EMP1: variants seen among roughly 807,000 people sequenced by gnomAD.
EMP1 encodes epithelial membrane protein 1.
EMP1 carries 5 observed loss-of-function variants against 15.7 expected under a neutral mutation model. The ratio of observed to expected loss-of-function variants is 0.32; its 90% confidence interval spans 0.17 to 0.67. The LOEUF (loss-of-function observed/expected upper bound fraction) is 0.67. EMP1 is among the 30% of genes least tolerant of loss of function. The pLI is 0.74. For synonymous variants in EMP1, 78 were observed against 76.7 expected (o/e 1.02, Z -0.09); for missense variants, 166 against 194.2 (o/e 0.85, Z 0.86).
At position 13,214,812 on chromosome 12, in the gene EMP1, G is replaced by C. The variant is rs1448601599; in HGVS notation, c.*121G>C. 1 of 204,708 alleles carries C rather than the reference G, an allele frequency of 4.9e-6. No homozygotes were observed. Among genetic ancestry groups the C allele is most frequent in the Admixed American group, 5.6e-5 (1 of 17,802 alleles). 12.7% of individuals were successfully genotyped at this position (204,708 alleles called of 1,614,324 possible). On this transcript the variant is annotated 3_prime_UTR_variant, in exon 5 of 5. Coordinates refer to ENST00000256951, the MANE Select transcript of EMP1 (RefSeq NM_001423.3). ...AGGGGAGGGGGGAGGGGGAAGCAAA[G>C]GGGGGAGGTCAAATCCCAAACCATT...
intron 1 of EMP1, among the ~76,000 whole-genome samples, chr12:13,206,821 G>A (rs1020253459): frequency 6.6e-6 from 1 of 152,178 alleles, no homozygotes; most frequent in African/African-American, 2.4e-5. Flanking sequence ...GGGGGCCTGA[G>A]TAATTTCTCA....
intron 2 of EMP1, among the ~76,000 whole-genome samples, chr12:13,213,153 T>A (rs1864181902): frequency 6.6e-6 from 1 of 152,248 alleles, no homozygotes; most frequent in Admixed American, 6.5e-5. Context: ...CATCCTGGAC[T>A]TCTGTTTCTC....
intron 1 of EMP1, among the ~76,000 whole-genome samples, chr12:13,204,542 C>T (rs1287380911): frequency 2.0e-5 from 3 of 152,160 alleles, no homozygotes; most frequent in Non-Finnish European, 4.4e-5. Context: ...AAAATGCTCC[C>T]GACTTGCGCA....
chr12:13,197,315 C>T (rs965635343), intron 1 of EMP1, among the ~76,000 whole-genome samples: 8 of 152,146 alleles, frequency 5.3e-5, no homozygotes, highest in African/African-American at 1.2e-4. Context: ...TTACTCTGCT[C>T]GCTGGTTGTT....
chr12:13,202,386 G>T (rs1367159130), intron 1 of EMP1, among the ~76,000 whole-genome samples: 1 of 152,182 alleles, frequency 6.6e-6, no homozygotes, highest in Non-Finnish European at 1.5e-5. Flanking sequence ...AGAGCTGAGA[G>T]CAAAACGGGG....
In EMP1 at chr12:13,208,035, G is replaced by A. The variant is rs147345459; in HGVS notation, c.-42-3434G>A. Among the ~76,000 whole-genome samples the A allele has an allele frequency of 2.8e-3, 431 of 152,330 alleles. 4 individuals carry two copies. Among genetic ancestry groups the A allele is most frequent in the African/African-American group, 9.5e-3 (396 of 41,568 alleles). On this transcript the variant is annotated intron_variant, in intron 1 of 4. Transcript: ENST00000256951. ...TTGCGCTGCCTCACTAGGACTAGGG[G>A]TATGCTTTCCACTGGAGAGTGCCAC... is the stretch of plus-strand genomic sequence containing the variant.
At position 13,216,403 on chromosome 12, in the gene EMP1, G is replaced by A. The variant is rs773364019; in HGVS notation, c.*1712G>A. 1 of 702,394 alleles carries A rather than the reference G, an allele frequency of 1.4e-6. No homozygotes were observed. The highest frequency in any genetic ancestry group is 1.5e-5 in the South Asian group (1 of 67,582). The allele number at this position is 702,394 out of a possible 1,614,324, so 43.5% of individuals were successfully genotyped here. ...TGAGGGCAAGCCACCAAATTACCTA[G>A]GCTGAGGTTAGAGAGATTGGCCAGC... On this transcript the variant is annotated 3_prime_UTR_variant, in exon 5 of 5. Transcript: ENST00000256951.
intron 1 of EMP1, among the ~76,000 whole-genome samples, chr12:13,199,964 C>CTTT (rs60389913): frequency 0.013 from 1,378 of 107,448 alleles, 25 homozygotes; most frequent in African/African-American, 0.036. Flanking sequence ...TCTTCTTCTT[C>CTTT]TTTTTTTTTT....
At chr12:13,207,756 C>T (rs912166368) in intron 1 of EMP1, among the ~76,000 whole-genome samples, 3 of 152,148 alleles carry the variant, frequency 2.0e-5, no homozygotes, top group Non-Finnish European at 4.4e-5. Flanking sequence ...GATCATCCTC[C>T]ACTCACAGTG....
At position 13,207,315 on chromosome 12, in the gene EMP1, G is replaced by A. The variant is rs144195101; in HGVS notation, c.-42-4154G>A. Among the ~76,000 whole-genome samples the A allele has an allele frequency of 7.9e-4, 121 of 152,242 alleles. No homozygotes were observed. In the East Asian group the frequency reaches 0.018, roughly 22 times the overall value. On this transcript the variant is annotated intron_variant, in intron 1 of 4. Transcript: ENST00000256951. Reference sequence around the variant, plus strand: ...TTTAATTGATACTAGGTTTCACCACGTTAGCCAGGATGATCTCGAACTCCC... The same window carrying A: ...TTTAATTGATACTAGGTTTCACCACATTAGCCAGGATGATCTCGAACTCCC...
chr12:13,209,510 T>A (rs763563964), intron 1 of EMP1: 3 of 152,194 alleles, frequency 2.0e-5, no homozygotes, highest in Admixed American at 6.5e-5. Flanking sequence ...TGGGTTGGGT[T>A]GGCAACAGCT....
At chr12:13,201,057 C>T (rs567956414) in intron 1 of EMP1, among the ~76,000 whole-genome samples, 138 of 152,238 alleles carry the variant, frequency 9.1e-4, no homozygotes, top group African/African-American at 3.2e-3. Flanking sequence ...TAACCACAGG[C>T]GAGACACTTG....
In EMP1 at chr12:13,215,069, G is replaced by A. The variant is rs1864202346; in HGVS notation, c.*378G>A. 9.6e-6 allele frequency: 2 copies of A among 208,334 alleles called. No homozygotes were observed. Among genetic ancestry groups the A allele is most frequent in the African/African-American group, 4.6e-5 (2 of 43,598 alleles). 12.9% of individuals were successfully genotyped at this position (208,334 alleles called of 1,614,324 possible). ...ACCTACTGCACTGAGTTAAAATAGCGGTACAAGTTCTGGCAAGAGCAGATA... is the reference window on the plus strand; with the variant it reads ...ACCTACTGCACTGAGTTAAAATAGCAGTACAAGTTCTGGCAAGAGCAGATA... On this transcript the variant is annotated 3_prime_UTR_variant, in exon 5 of 5. Transcript: ENST00000256951.
chr12:13,204,905 G>T (rs771815663), intron 1 of EMP1, among the ~76,000 whole-genome samples: 5 of 152,200 alleles, frequency 3.3e-5, no homozygotes, highest in African/African-American at 1.2e-4. Flanking sequence ...AAGGCCTCTG[G>T]TGAATCTTCT....
chr12:13,199,796 C>G (rs778565437), intron 1 of EMP1, among the ~76,000 whole-genome samples: 26 of 152,114 alleles, frequency 1.7e-4, no homozygotes, highest in Admixed American at 6.5e-4. Context: ...TTCCTTATAA[C>G]TTCCTGATTC....
chr12:13,214,528 C>T lies in EMP1; in HGVS notation c.317-6C>T, dbSNP rs368405375. 1 of 1,613,776 alleles carries T rather than the reference C, an allele frequency of 6.2e-7. No homozygotes were observed. Among genetic ancestry groups the T allele is most frequent in the Admixed American group, 1.7e-5 (1 of 59,996 alleles). On this transcript the variant is annotated splice_region_variant and splice_polypyrimidine_tract_variant and intron_variant, in intron 4 of 4. Coordinates refer to ENST00000256951, the MANE Select transcript of EMP1 (RefSeq NM_001423.3). Reference sequence around the variant, plus strand: ...ACACACCGACAAATCTCCTTTTCCCCTGCAGGGCTGTGCATTCTTGTGGGG... The same window carrying T: ...ACACACCGACAAATCTCCTTTTCCCTTGCAGGGCTGTGCATTCTTGTGGGG...
At chr12:13,210,379 T>C (rs576971266) in intron 1 of EMP1, among the ~76,000 whole-genome samples, 1 of 152,270 alleles carries the variant, frequency 6.6e-6, no homozygotes, top group East Asian at 1.9e-4. Flanking sequence ...TTTGTGACAG[T>C]CTTAGGCATG....
At chr12:13,207,476 C>A (rs1042257014) in intron 1 of EMP1, among the ~76,000 whole-genome samples, 3 of 151,978 alleles carry the variant, frequency 2.0e-5, no homozygotes, top group Non-Finnish European at 4.4e-5. Flanking sequence ...GTGGTCTGGG[C>A]AATGCAGAAA....
rs1864241911 is a variant in EMP1 at position 13,219,578 on chromosome 12, C to T, written c.*4887C>T. The T allele has an allele frequency of 6.6e-6, 1 of 152,168 alleles. No individual in the cohort carries two copies. Among genetic ancestry groups the T allele is most frequent in the Non-Finnish European group, 1.5e-5 (1 of 68,028 alleles). The allele number at this position is 152,168 out of a possible 1,614,324, so 9.4% of individuals were successfully genotyped here. A position where few individuals can be genotyped will look rare whatever the true frequency, so the allele number is the denominator to read the frequency against. ...CCAAATTCCTGTATTAGTCTGTTTT[C>T]ACACTGCTATGAAGACATACTTGAG... On this transcript the variant is annotated 3_prime_UTR_variant, in exon 5 of 5. Coordinates refer to ENST00000256951, the MANE Select transcript of EMP1 (RefSeq NM_001423.3).
Sources: gnomAD v4.1 joint callset for allele counts (sites outside exome capture counted in the v4.1 genomes callset) on GRCh38, gnomAD v4.1.1 for gene constraint, MANE v1.5 for transcripts, NCBI Gene and HGNC (gene_info 2026-07-23, HGNC 2026-07-21) for gene names.